RPS6KA1: variants seen among roughly 807,000 people sequenced by gnomAD.
RPS6KA1 encodes the protein ribosomal protein S6 kinase A1, also known as ribosomal protein S6 kinase alpha-1.
A neutral mutation model predicts 91.3 loss-of-function variants in RPS6KA1; 48 were observed. That is an observed-to-expected ratio of 0.53 (90% CI 0.42 to 0.67). The LOEUF (loss-of-function observed/expected upper bound fraction) is 0.67. RPS6KA1 is among the 30% of genes least tolerant of loss of function. The pLI is 0.00. For synonymous variants in RPS6KA1, 359 were observed against 384.7 expected, an observed-to-expected ratio of 0.93 and a Z score of 0.78; for missense variants, 719 against 960.5, an observed-to-expected ratio of 0.75 and a Z score of 3.32.
intron 21 of RPS6KA1, 34 bp downstream of exon 21, chr1:26,573,395 G>A: frequency 6.2e-7 from 1 of 1,613,278 alleles, no homozygotes; most frequent in South Asian, 1.1e-5. Flanking sequence ...GGCATCTGGG[G>A]GGTCAGCCCA....
chr1:26,541,153 C>T (rs1570424291), intron 2 of RPS6KA1, among the ~76,000 whole-genome samples: 1 of 151,684 alleles, frequency 6.6e-6, no homozygotes, highest in Non-Finnish European at 1.5e-5. Context: ...TCCCAGCTTA[C>T]TCCATAGGCT....
chr1:26,560,198 G>A (rs535398533), intron 14 of RPS6KA1, among the ~76,000 whole-genome samples: 79 of 152,364 alleles, frequency 5.2e-4, no homozygotes, highest in African/African-American at 1.8e-3. Flanking sequence ...GGCTGGCCGT[G>A]GGGCATGCAG....
chr1:26,560,692 C>T lies in RPS6KA1; in HGVS notation c.1216-34C>T, dbSNP rs778795371. 3.1e-6 allele frequency: 5 copies of T among 1,613,824 alleles called. No individual in the cohort carries two copies. In the South Asian group the frequency reaches 5.5e-5, roughly 18 times the overall value. On this transcript the variant is annotated intron_variant, in intron 14 of 21. Transcript: ENST00000374168. ...GGGGATGACCCCTAGCACTCTAGAG[C>T]CAGGGGTCAGCCACAATTTTTGGTC... is the stretch of plus-strand genomic sequence containing the variant.
chr1:26,552,820 A>G (rs556176110), intron 6 of RPS6KA1: 1 of 420,818 alleles, frequency 2.4e-6, no homozygotes, highest in African/African-American at 2.1e-5. Flanking sequence ...TTGAATAGGT[A>G]ATATACATGA....
At chr1:26,560,954 G>A in intron 15 of RPS6KA1, 91 bp from the exon 16 acceptor site, 2 of 1,601,434 alleles carry the variant, frequency 1.2e-6, no homozygotes, top group Non-Finnish European at 1.7e-6. Context: ...TATGAAAGGT[G>A]TGTGGCCGAG....
At chr1:26,567,031 T>A (rs1241843896) in intron 17 of RPS6KA1, among the ~76,000 whole-genome samples, 3 of 151,974 alleles carry the variant, frequency 2.0e-5, no homozygotes, top group Non-Finnish European at 4.4e-5. Context: ...CTTTTTTTTT[T>A]TTTGAGACAG....
intron 1 of RPS6KA1, among the ~76,000 whole-genome samples, chr1:26,532,950 G>A (rs1291605423): frequency 6.6e-6 from 1 of 152,166 alleles, no homozygotes; most frequent in African/African-American, 2.4e-5. Flanking sequence ...TACTCTGCAA[G>A]GTCAGCACCA....
chr1:26,546,850 C>T lies in RPS6KA1; in HGVS notation c.109-17C>T, dbSNP rs1258628667. 1 of 1,606,840 alleles carries T rather than the reference C, an allele frequency of 6.2e-7. No homozygotes were observed. Among genetic ancestry groups the T allele is most frequent in the Non-Finnish European group, 8.5e-7 (1 of 1,173,590 alleles). On this transcript the variant is annotated splice_polypyrimidine_tract_variant and intron_variant, in intron 2 of 21. Coordinates refer to ENST00000374168, the MANE Select transcript of RPS6KA1 (RefSeq NM_002953.4). ...GGATGGGGCCCACCATGCCCACCAG[C>T]TCTGTCCCTCCATCAGGATGAGGGC...
At chr1:26,530,162 G>A (rs1351257296) in intron 1 of RPS6KA1, among the ~76,000 whole-genome samples, 179 bp downstream of exon 1, 1 of 152,174 alleles carries the variant, frequency 6.6e-6, no homozygotes. Context: ...GTGTGCGAGG[G>A]ACAGTTCCGC....
Position 26,555,029 on chromosome 1 carries a change from C to T in RPS6KA1, c.757-122C>T. On this transcript the variant is annotated intron_variant, in intron 9 of 21. Coordinates refer to ENST00000374168, the MANE Select transcript of RPS6KA1 (RefSeq NM_002953.4). The surrounding 1 kb of genome is among the most constrained non-coding windows in gnomAD (Gnocchi z 4.3). Reference sequence around the variant, plus strand: ...AGAGGGACGGGCATAATTCTTGCTCCAGGCTGACTTGGATGTATCAGCAAG... The same window carrying T: ...AGAGGGACGGGCATAATTCTTGCTCTAGGCTGACTTGGATGTATCAGCAAG... 1 of 1,029,544 alleles carries T rather than the reference C, an allele frequency of 9.7e-7. No homozygotes were observed. The allele number at this position is 1,029,544 out of a possible 1,614,324, so 63.8% of individuals were successfully genotyped here. A position where few individuals can be genotyped will look rare whatever the true frequency, so the allele number is the denominator to read the frequency against.
Position 26,555,478 on chromosome 1 carries a change from G to T in RPS6KA1, c.828-59G>T. The T allele has an allele frequency of 6.8e-7, 1 of 1,480,380 alleles. No homozygotes were observed. The highest frequency in any genetic ancestry group is 9.2e-7 in the Non-Finnish European group (1 of 1,082,342). 91.7% of individuals were successfully genotyped at this position (1,480,380 alleles called of 1,614,324 possible). ...GGGAACTAGATCTGGACAGGGGCCG[G>T]GGGAGATGGGGCCTCTGGGGCAGGG... On this transcript the variant is annotated intron_variant, in intron 10 of 21. Coordinates refer to ENST00000374168, the MANE Select transcript of RPS6KA1 (RefSeq NM_002953.4). The surrounding 1 kb of genome is among the most constrained non-coding windows in gnomAD (Gnocchi z 4.3).
chr1:26,551,380 C>A lies in RPS6KA1; in HGVS notation c.308-17C>A. The stretch of plus-strand genomic sequence containing the variant: ...GAGTGTCTAGGCTACTGGTGACTTC[C>A]TTTCTCGTCTGGCCAGTACGTGACC... On this transcript the variant is annotated splice_polypyrimidine_tract_variant and intron_variant, in intron 4 of 21. Coordinates refer to ENST00000374168, the MANE Select transcript of RPS6KA1 (RefSeq NM_002953.4). The surrounding 1 kb of genome is among the most constrained non-coding windows in gnomAD (Gnocchi z 4.5). 1 of 1,613,204 alleles carries A rather than the reference C, an allele frequency of 6.2e-7. No individual in the cohort carries two copies. Among genetic ancestry groups the A allele is most frequent in the Non-Finnish European group, 8.5e-7 (1 of 1,179,228 alleles).
chr1:26,562,234 A>C (rs1235212528), intron 17 of RPS6KA1, among the ~76,000 whole-genome samples: 1 of 152,212 alleles, frequency 6.6e-6, no homozygotes, highest in Non-Finnish European at 1.5e-5. Flanking sequence ...GATTTACATT[A>C]TCTCAATTGA....
In RPS6KA1 at chr1:26,551,867, A is replaced by ATCCT; in HGVS notation, c.468+144_468+145insTCCT. On this transcript the variant is annotated intron_variant, in intron 6 of 21. Transcript: ENST00000374168. The surrounding 1 kb of genome is among the most constrained non-coding windows in gnomAD (Gnocchi z 4.5). ...CCTGCCTAGCAGCCCCTGGCCCAGG[A>ATCCT]AATACCACGCACCCTGGAATGGAGG... 1.4e-6 allele frequency: 1 copy of ATCCT among 700,044 alleles called. No homozygotes were observed. Among genetic ancestry groups the ATCCT allele is most frequent in the Non-Finnish European group, 2.5e-6 (1 of 397,420 alleles). The allele number at this position is 700,044 out of a possible 1,614,324, so 43.4% of individuals were successfully genotyped here.
In RPS6KA1 at chr1:26,558,760, G is replaced by C; in HGVS notation, c.1085-47G>C. ...CCCTTTGCTGGGCTGCCTCAGGGTC[G>C]AGGGGACCTCCTCAGGTACCCTCAC... On this transcript the variant is annotated intron_variant, in intron 13 of 21. Coordinates refer to ENST00000374168, the MANE Select transcript of RPS6KA1 (RefSeq NM_002953.4). The surrounding 1 kb of genome is among the most constrained non-coding windows in gnomAD (Gnocchi z 4.0). The C allele has an allele frequency of 1.9e-6, 3 of 1,571,076 alleles. No individual in the cohort carries two copies. Among genetic ancestry groups the C allele is most frequent in the Non-Finnish European group, 2.6e-6 (3 of 1,149,428 alleles).
chr1:26,532,549 G>T (rs562227572), intron 1 of RPS6KA1, among the ~76,000 whole-genome samples: 2 of 152,136 alleles, frequency 1.3e-5, no homozygotes, highest in African/African-American at 2.4e-5. Flanking sequence ...ATCCTGCAAG[G>T]CCCTCGTCCA....
Position 26,572,312 on chromosome 1 carries a change from C to T in RPS6KA1, c.1947+19C>T, listed in dbSNP as rs139189232. The T allele has an allele frequency of 3.5e-5, 54 of 1,561,576 alleles. No individual in the cohort carries two copies. Among genetic ancestry groups the T allele is most frequent in the African/African-American group, 1.5e-4 (11 of 73,850 alleles). ...AGCCAAGGTGAGTCTGTACGGCCTGCGTGGGCTTATTTGGAGGAGGGAGGC... is the reference window on the plus strand; with the variant it reads ...AGCCAAGGTGAGTCTGTACGGCCTGTGTGGGCTTATTTGGAGGAGGGAGGC... On this transcript the variant is annotated intron_variant, in intron 20 of 21. Transcript: ENST00000374168.
intron 19 of RPS6KA1, 30 bp from the exon 20 acceptor site, chr1:26,572,146 T>C (rs1230621080): frequency 1.3e-6 from 2 of 1,583,192 alleles, no homozygotes; most frequent in South Asian, 2.2e-5. Flanking sequence ...GGCCAGAGTC[T>C]GTACCCAGAC....
At chr1:26,545,052 C>G (rs2075980286) in intron 2 of RPS6KA1, among the ~76,000 whole-genome samples, 1 of 151,906 alleles carries the variant, frequency 6.6e-6, no homozygotes, top group Non-Finnish European at 1.5e-5. Flanking sequence ...CATCTGTTTT[C>G]TATTGGATAT....
Sources: gnomAD v4.1 joint callset for allele counts (sites outside exome capture counted in the v4.1 genomes callset) on GRCh38, gnomAD v4.1.1 for gene constraint, Gnocchi (gnomAD v3.1) non-coding constraint, MANE v1.5 for transcripts, NCBI Gene and HGNC (gene_info 2026-07-23, HGNC 2026-07-21) for gene names.